SV2B: variants seen among roughly 807,000 people sequenced by gnomAD.
The protein encoded by SV2B is solute carrier family 22 member B2.
SV2B carries 41 observed loss-of-function variants against 73.9 expected under a neutral mutation model. The ratio of observed to expected loss-of-function variants is 0.56; its 90% CI spans 0.43 to 0.72. The LOEUF (loss-of-function observed/expected upper bound fraction) is 0.72. SV2B is among the 30% of genes least tolerant of loss of function. SV2B has a pLI of 0.00. For missense variants in SV2B, 764 were observed against 857.8 expected (o/e 0.89, Z 1.37); for synonymous variants, 314 against 314.2 (o/e 1.00, Z 0.01).
rs890633763 is a variant in SV2B at position 91,298,799 on chromosome 15, C to T, written c.*6247C>T. On this transcript the variant is annotated 3_prime_UTR_variant, in exon 13 of 13. Transcript: ENST00000394232. The surrounding 1 kb of genome is among the most constrained non-coding windows in gnomAD (Gnocchi z 5.4). ...TCTACCAAAGTTAATGTGGTCACCACATTTGATGATTTTGCTAGGTAGGGA... is the reference window on the plus strand; with the variant it reads ...TCTACCAAAGTTAATGTGGTCACCATATTTGATGATTTTGCTAGGTAGGGA... The T allele has an allele frequency of 3.3e-5, 5 of 152,184 alleles. No homozygotes were observed. The highest frequency in any genetic ancestry group is 1.2e-4 in the African/African-American group (5 of 41,438). 9.4% of individuals were successfully genotyped at this position (152,184 alleles called of 1,614,324 possible). A position where few individuals can be genotyped will look rare whatever the true frequency, so the allele number is the denominator to read the frequency against.
At chr15:91,113,068 G>C (rs1476993815) in intron 1 of SV2B, among the ~76,000 whole-genome samples, 1 of 152,184 alleles carries the variant, frequency 6.6e-6, no homozygotes, top group Non-Finnish European at 1.5e-5. Flanking sequence ...CTGGCCTGAA[G>C]CGGTGCTCTC....
Position 91,256,806 on chromosome 15 carries a change from G to A in SV2B, c.785-1615G>A, listed in dbSNP as rs549573597. Among the ~76,000 whole-genome samples the A allele has an allele frequency of 1.7e-4, 26 of 152,280 alleles. No individual in the cohort carries two copies. In the East Asian group the frequency reaches 3.5e-3, roughly 20 times the overall value. On this transcript the variant is annotated intron_variant, in intron 4 of 12. Coordinates refer to ENST00000394232, the MANE Select transcript of SV2B (RefSeq NM_001323032.3). ...ATTCCCTCTACCTAGTCTTTTAATT[G>A]TACAAATAGTGTAGAAAATGTCTGC...
At chr15:91,291,898 C>T (rs547331080) in intron 12 of SV2B, among the ~76,000 whole-genome samples, 63 of 152,312 alleles carry the variant, frequency 4.1e-4, no homozygotes, top group African/African-American at 1.5e-3. Flanking sequence ...CCATGCTCAG[C>T]AGCAAATCAG....
chr15:91,202,016 C>A (rs11854467), intron 1 of SV2B, among the ~76,000 whole-genome samples: 4 of 151,956 alleles, frequency 2.6e-5, no homozygotes, highest in Admixed American at 1.3e-4. Context: ...TTGTGCTTGC[C>A]CCCTTTACTC....
At chr15:91,199,074 C>T (rs975014023) in intron 1 of SV2B, among the ~76,000 whole-genome samples, 4 of 152,126 alleles carry the variant, frequency 2.6e-5, no homozygotes, top group Middle Eastern at 3.2e-3. Flanking sequence ...TGTACTGGAA[C>T]TCCTAGGCTT....
intron 2 of SV2B, among the ~76,000 whole-genome samples, chr15:91,250,182 C>A (rs11853198): frequency 3.9e-5 from 6 of 151,990 alleles, no homozygotes; most frequent in Non-Finnish European, 7.4e-5. Context: ...AAGTGAGATT[C>A]GTCCTTGGCA....
chr15:91,115,591 G>A lies in SV2B; in HGVS notation c.-392+15228G>A, dbSNP rs554820497. ...AGGGTCTCGCCATGTTGCCCAGGCT[G>A]GTCTTGAACTCCTGAACTCAAGCGA... On this transcript the variant is annotated intron_variant, in intron 1 of 12. Coordinates refer to ENST00000394232, the MANE Select transcript of SV2B (RefSeq NM_001323032.3). The surrounding 1 kb of genome is among the most constrained non-coding windows in gnomAD (Gnocchi z 4.3). 6.6e-6 allele frequency among the ~76,000 whole-genome samples: 1 copy of A among 151,842 alleles called. No individual in the cohort carries two copies. The highest frequency in any genetic ancestry group is 2.1e-4 in the South Asian group (1 of 4,782).
Position 91,258,501 on chromosome 15 carries a change from G to A in SV2B, c.865G>A (p.Val289Met), listed in dbSNP as rs564149748. ...CATCGTCTGTGCTCTGCCCTGCACC[G>A]TGTCCATGGTGGCCCTGAAGTTCAT... The part of the protein sequence containing the change: ...FVIVCALPCT[V>M]SMVALKFMPE... Residue 289 changes from valine (V) to methionine (M), a missense_variant, in exon 5 of 13, where the codon GTG becomes ATG. By Grantham distance (21) the Val-to-Met change is conservative. Coordinates refer to ENST00000394232, the MANE Select transcript of SV2B (RefSeq NM_001323032.3). This position sits in a 1 kb window ranked among gnomAD's most constrained non-coding sequence, Gnocchi z 4.7. The A allele has an allele frequency of 5.0e-6, 8 of 1,614,010 alleles. No homozygotes were observed. The highest frequency in any genetic ancestry group is 3.3e-5 in the South Asian group (3 of 91,034).
intron 1 of SV2B, among the ~76,000 whole-genome samples, chr15:91,173,038 C>T (rs184894302): frequency 1.3e-5 from 2 of 151,904 alleles, no homozygotes; most frequent in Non-Finnish European, 1.5e-5. Context: ...GAGGAGACTG[C>T]GCTAGGGAGA....
At chr15:91,238,622 G>A (rs1368414318) in intron 2 of SV2B, among the ~76,000 whole-genome samples, 1 of 152,266 alleles carries the variant, frequency 6.6e-6, no homozygotes, top group African/African-American at 2.4e-5. Context: ...GCCCATCTCT[G>A]TAGGCGAGAG....
chr15:91,172,871 T>G (rs1409763851), intron 1 of SV2B, among the ~76,000 whole-genome samples: 2 of 152,246 alleles, frequency 1.3e-5, no homozygotes, highest in South Asian at 4.1e-4. Flanking sequence ...TAAATATTGC[T>G]ATTATTGTTC....
Position 91,293,328 on chromosome 15 carries a change from TG to T in SV2B, c.*779del, listed in dbSNP as rs1390153502. ...TATTGCCAGCATTTTAGCCATATTT[TG>T]GGAGAACTTGGTGTTTGAGGTCCCA... On this transcript the variant is annotated 3_prime_UTR_variant, in exon 13 of 13. Coordinates refer to ENST00000394232, the MANE Select transcript of SV2B (RefSeq NM_001323032.3). 4.6e-5 allele frequency: 7 copies of T among 152,372 alleles called. No homozygotes were observed. Among genetic ancestry groups the T allele is most frequent in the African/African-American group, 1.4e-4 (6 of 41,588 alleles). 9.4% of individuals were successfully genotyped at this position (152,372 alleles called of 1,614,324 possible).
intron 2 of SV2B, among the ~76,000 whole-genome samples, chr15:91,228,429 C>A (rs186511917): frequency 1.4e-4 from 22 of 152,190 alleles, no homozygotes; most frequent in African/African-American, 5.3e-4. Context: ...AAACCAAAGA[C>A]CCCAAACAAA....
At position 91,220,802 on chromosome 15, in the gene SV2B, C is replaced by T. The variant is rs1219099409; in HGVS notation, c.-391-5071C>T. 6.6e-6 allele frequency among the ~76,000 whole-genome samples: 1 copy of T among 152,200 alleles called. No individual in the cohort carries two copies. Among genetic ancestry groups the T allele is most frequent in the African/African-American group, 2.4e-5 (1 of 41,452 alleles). On this transcript the variant is annotated intron_variant, in intron 1 of 12. Coordinates refer to ENST00000394232, the MANE Select transcript of SV2B (RefSeq NM_001323032.3). This position sits in a 1 kb window ranked among gnomAD's most constrained non-coding sequence, Gnocchi z 4.1. ...TAGGCTCAAGCTTAGAACTTGGCTA[C>T]ATTTTAATTGTCAATACTTAGATAA... is the stretch of plus-strand genomic sequence containing the variant.
chr15:91,191,627 C>T (rs977744157), intron 1 of SV2B, among the ~76,000 whole-genome samples: 34 of 152,296 alleles, frequency 2.2e-4, no homozygotes, highest in African/African-American at 7.7e-4. Flanking sequence ...AAGTCTCTCT[C>T]CCCTACTGCG....
Position 91,141,089 on chromosome 15 carries a change from C to T in SV2B, c.-392+40726C>T, listed in dbSNP as rs763845577. Among the ~76,000 whole-genome samples the T allele has an allele frequency of 6.6e-6, 1 of 152,186 alleles. No individual in the cohort carries two copies. The highest frequency in any genetic ancestry group is 2.4e-5 in the African/African-American group (1 of 41,444). ...GCATAGGATCACACTGTTTCTTAAA[C>T]CCCACTTCTGGAACTGGCTACATTC... On this transcript the variant is annotated intron_variant, in intron 1 of 12. Transcript: ENST00000394232. The surrounding 1 kb of genome is among the most constrained non-coding windows in gnomAD (Gnocchi z 4.6).
Position 91,115,724 on chromosome 15 carries a change from A to G in SV2B, c.-392+15361A>G, listed in dbSNP as rs976130235. On this transcript the variant is annotated intron_variant, in intron 1 of 12. Transcript: ENST00000394232. This position sits in a 1 kb window ranked among gnomAD's most constrained non-coding sequence, Gnocchi z 4.3. ...TTTCTAAGGGGTTCACATTTTTATA[A>G]CCATCTCCTTGCTTGCCCTAGTCTT... 6.6e-6 allele frequency among the ~76,000 whole-genome samples: 1 copy of G among 151,998 alleles called. No homozygotes were observed. The highest frequency in any genetic ancestry group is 2.1e-4 in the South Asian group (1 of 4,822).
At chr15:91,272,570 A>G (rs562259560) in intron 9 of SV2B, among the ~76,000 whole-genome samples, 44 of 152,226 alleles carry the variant, frequency 2.9e-4, no homozygotes, top group Non-Finnish European at 1.0e-4. Flanking sequence ...GCTCACTCAG[A>G]TGATTTGCCA....
chr15:91,170,458 T>C (rs2044084910), intron 1 of SV2B, among the ~76,000 whole-genome samples: 1 of 152,182 alleles, frequency 6.6e-6, no homozygotes, highest in African/African-American at 2.4e-5. Context: ...CAGCTGATTT[T>C]TGTATTTTTA....
Sources: allele counts gnomAD v4.1 joint callset (sites outside exome capture counted in the v4.1 genomes callset), GRCh38; gene constraint gnomAD v4.1.1; non-coding constraint Gnocchi (gnomAD v3.1); transcripts MANE v1.5; gene names NCBI Gene and HGNC (gene_info 2026-07-23, HGNC 2026-07-21).